LRRTM3: variants seen among roughly 807,000 people sequenced by gnomAD.
The protein encoded by LRRTM3 is leucine rich repeat transmembrane neuronal 3, also known as leucine-rich repeat transmembrane neuronal protein 3.
In LRRTM3, 24 loss-of-function variants were observed where a neutral mutation model predicts 44.7. The ratio of observed to expected loss-of-function variants is 0.54; its 90% confidence interval spans 0.39 to 0.76. The LOEUF is 0.76. LRRTM3 is among the 30% of genes least tolerant of loss of function. The probability of loss-of-function intolerance (pLI) is 0.00; values close to 1 mark genes in which losing one functional copy is unlikely to be tolerated. For synonymous variants in LRRTM3, 277 were observed against 278.7 expected, an observed-to-expected ratio of 0.99 and a Z score of 0.06; for missense variants, 587 against 702.2, an observed-to-expected ratio of 0.84 and a Z score of 1.85.
At chr10:66,964,782 A>G (rs1849310085) in intron 2 of LRRTM3, among the ~76,000 whole-genome samples, 1 of 152,156 alleles carries the variant, frequency 6.6e-6, no homozygotes, top group Non-Finnish European at 1.5e-5. Flanking sequence ...AAGGGAGGAG[A>G]TAAAGCAGAT....
intron 2 of LRRTM3, among the ~76,000 whole-genome samples, chr10:66,969,540 G>T (rs906667159): frequency 2.6e-5 from 4 of 152,014 alleles, no homozygotes; most frequent in Non-Finnish European, 5.9e-5. Flanking sequence ...CCAAATTGCT[G>T]CATCAAAAGG....
intron 2 of LRRTM3, among the ~76,000 whole-genome samples, chr10:66,990,401 G>A (rs77533987): frequency 0.018 from 2,710 of 152,246 alleles, 25 homozygotes; most frequent in African/African-American, 0.025. Context: ...AAGATGCACA[G>A]AGGTTCAACC....
At chr10:67,023,966 A>C (rs1047257287) in intron 2 of LRRTM3, among the ~76,000 whole-genome samples, 2 of 152,202 alleles carry the variant, frequency 1.3e-5, no homozygotes, top group Non-Finnish European at 2.9e-5. Flanking sequence ...CTCAATTTCT[A>C]ATCCTCAGAG....
At chr10:66,996,015 T>C (rs1024786757) in intron 2 of LRRTM3, among the ~76,000 whole-genome samples, 4 of 152,190 alleles carry the variant, frequency 2.6e-5, no homozygotes, top group African/African-American at 4.8e-5. Flanking sequence ...CAATCACTTG[T>C]AAATTATTTT....
chr10:66,994,989 TG>T (rs2132950926), intron 2 of LRRTM3, among the ~76,000 whole-genome samples: 1 of 152,300 alleles, frequency 6.6e-6, no homozygotes, highest in East Asian at 1.9e-4. Context: ...CTGCTACTTC[TG>T]TCCTGGTATT....
At chr10:66,991,751 T>C (rs1420753269) in intron 2 of LRRTM3, among the ~76,000 whole-genome samples, 1 of 152,206 alleles carries the variant, frequency 6.6e-6, no homozygotes, top group East Asian at 1.9e-4. Flanking sequence ...GCCAGAACTC[T>C]GTGCTGTTTA....
intron 2 of LRRTM3, among the ~76,000 whole-genome samples, chr10:67,031,903 C>T (rs765115726): frequency 2.3e-4 from 35 of 152,134 alleles, no homozygotes; most frequent in Non-Finnish European, 3.4e-4. Flanking sequence ...GCAATAATGG[C>T]ATTCTAATTC....
chr10:66,987,967 G>A (rs1850826594), intron 2 of LRRTM3, among the ~76,000 whole-genome samples: 1 of 152,006 alleles, frequency 6.6e-6, no homozygotes. Flanking sequence ...AACAAATGTG[G>A]GTTACCAAAT....
chr10:67,068,653 G>A (rs1331706367), intron 2 of LRRTM3, among the ~76,000 whole-genome samples: 1 of 152,172 alleles, frequency 6.6e-6, no homozygotes, highest in African/African-American at 2.4e-5. Flanking sequence ...GAAAAGCTGA[G>A]GGGAGAGAGT....
chr10:67,022,666 G>A (rs1853099726), intron 2 of LRRTM3, among the ~76,000 whole-genome samples: 2 of 152,100 alleles, frequency 1.3e-5, no homozygotes, highest in African/African-American at 4.8e-5. Flanking sequence ...GGCCGGGCAC[G>A]GTGGTTCATG....
At chr10:66,937,781 A>T (rs10822946) in intron 2 of LRRTM3, among the ~76,000 whole-genome samples, 52,515 of 151,946 alleles carry the variant, frequency 0.35, 11,301 homozygotes, top group East Asian at 0.6. Flanking sequence ...TTTGTGAGAA[A>T]TGCCCTTCCT....
At chr10:67,089,430 C>A (rs1001319763) in intron 2 of LRRTM3, among the ~76,000 whole-genome samples, 2 of 151,880 alleles carry the variant, frequency 1.3e-5, no homozygotes, top group African/African-American at 4.8e-5. Context: ...GATCCAACAG[C>A]CTGTTGTACT....
intron 2 of LRRTM3, among the ~76,000 whole-genome samples, chr10:66,953,369 T>C (rs1044170342): frequency 3.9e-5 from 6 of 152,336 alleles, no homozygotes; most frequent in Non-Finnish European, 7.3e-5. Context: ...CTGCCGGTTG[T>C]CTGAAATGAG....
At chr10:66,977,095 T>C (rs989133659) in intron 2 of LRRTM3, among the ~76,000 whole-genome samples, 3 of 152,132 alleles carry the variant, frequency 2.0e-5, no homozygotes, top group African/African-American at 7.2e-5. Flanking sequence ...GGAAAATAGA[T>C]TAAGGCTTGA....
intron 2 of LRRTM3, among the ~76,000 whole-genome samples, chr10:66,949,838 C>T (rs1230888535): frequency 6.6e-6 from 1 of 152,148 alleles, no homozygotes; most frequent in Non-Finnish European, 1.5e-5. Context: ...GTGATTCTAA[C>T]AATGTGTGCA....
chr10:67,066,017 T>C (rs1856052710), intron 2 of LRRTM3, among the ~76,000 whole-genome samples: 3 of 152,066 alleles, frequency 2.0e-5, no homozygotes, highest in Admixed American at 2.0e-4. Context: ...TTAGAAATAA[T>C]AATTGCTCAT....
At position 67,066,722 on chromosome 10, in the gene LRRTM3, C is replaced by G. The variant is rs1049137682; in HGVS notation, c.1537-30865C>G. Among the ~76,000 whole-genome samples the G allele has an allele frequency of 2.6e-5, 4 of 152,140 alleles. No individual in the cohort carries two copies. In the South Asian group the frequency reaches 6.2e-4, roughly 24 times the overall value. On this transcript the variant is annotated intron_variant, in intron 2 of 2. Transcript: ENST00000361320. ...TCCCTCTTCCTTTCTGCCTTCTACT[C>G]TTTATATTCTTCATTTTGGAAAGTT...
chr10:66,943,541 G>A, intron 2 of LRRTM3, among the ~76,000 whole-genome samples: 1 of 147,182 alleles, frequency 6.8e-6, no homozygotes, highest in Admixed American at 6.8e-5. Context: ...TTCAGTATTA[G>A]CATTGGCTTC....
chr10:66,956,804 A>C (rs1361990444), intron 2 of LRRTM3, among the ~76,000 whole-genome samples: 4 of 152,226 alleles, frequency 2.6e-5, no homozygotes, highest in Non-Finnish European at 5.9e-5. Context: ...AAACTGATGC[A>C]GTGACAGGCT....
Sources: allele counts gnomAD v4.1 joint callset (sites outside exome capture counted in the v4.1 genomes callset), GRCh38; gene constraint gnomAD v4.1.1; transcripts MANE v1.5; gene names NCBI Gene and HGNC (gene_info 2026-07-23, HGNC 2026-07-21).